TFDP2: variants seen among roughly 807,000 people sequenced by gnomAD.
TFDP2 encodes the protein transcription factor Dp-2.
TFDP2 carries 17 observed loss-of-function variants against 59.3 expected under a neutral mutation model. That is an observed-to-expected ratio of 0.29 (90% CI 0.20 to 0.43). The LOEUF is 0.43. Among genes scored for constraint, TFDP2 ranks in the 20% least tolerant of loss-of-function variants. The probability of loss-of-function intolerance (pLI) is 1.00; values close to 1 mark genes in which losing one functional copy is unlikely to be tolerated. For synonymous variants in TFDP2, 180 were observed against 194.7 expected (o/e 0.92, Z 0.63); for missense variants, 391 against 528.8 (o/e 0.74, Z 2.56).
intron 9 of TFDP2, among the ~76,000 whole-genome samples, chr3:141,969,589 C>T (rs374301861): frequency 3.8e-4 from 57 of 151,874 alleles, no homozygotes; most frequent in Non-Finnish European, 6.5e-4. Context: ...TCCAGCCTGG[C>T]GAAAGAGTGA....
intron 7 of TFDP2, among the ~76,000 whole-genome samples, chr3:141,975,106 G>T (rs1212033269): frequency 6.6e-6 from 1 of 151,588 alleles, no homozygotes; most frequent in Non-Finnish European, 1.5e-5. Context: ...TAGAGACGGG[G>T]TTTCACCATA....
rs571947128 is a variant in TFDP2 at position 142,059,117 on chromosome 3, C to G, written c.82+33944G>C. On this transcript the variant is annotated intron_variant, in intron 3 of 12. Transcript: ENST00000489671. Reference sequence around the variant, plus strand: ...TACACATTGATATTACAGAATAAAGCAACAGTTACTCAGCTATTTTTCTAT... The same window carrying G: ...TACACATTGATATTACAGAATAAAGGAACAGTTACTCAGCTATTTTTCTAT... 3.9e-5 allele frequency among the ~76,000 whole-genome samples: 6 copies of G among 152,252 alleles called. 1 individual carries two copies. The highest frequency in any genetic ancestry group is 1.4e-4 in the African/African-American group (6 of 41,566).
At chr3:142,120,047 CGAAAAGAAAAAAAGAAAA>C (rs1339677474) in intron 1 of TFDP2, among the ~76,000 whole-genome samples, 3 of 149,254 alleles carry the variant, frequency 2.0e-5, no homozygotes, top group Admixed American at 6.7e-5. Context: ...AAGACTCCAT[CGAAAAGAAAAAAAGAAAA>C]GAAAAGAAAA....
At chr3:142,106,906 G>A (rs913152712) in intron 1 of TFDP2, among the ~76,000 whole-genome samples, 1 of 152,160 alleles carries the variant, frequency 6.6e-6, no homozygotes, top group African/African-American at 2.4e-5. Context: ...AAAGCACAAA[G>A]TTATGGATAA....
At chr3:142,074,533 C>T (rs916260412) in intron 3 of TFDP2, among the ~76,000 whole-genome samples, 2 of 151,680 alleles carry the variant, frequency 1.3e-5, no homozygotes, top group Non-Finnish European at 2.9e-5. Flanking sequence ...GGCAATAGAG[C>T]AAGACCCCAT....
intron 10 of TFDP2, among the ~76,000 whole-genome samples, chr3:141,961,237 GTTT>G (rs1177754086): frequency 0.018 from 1,547 of 84,490 alleles, 1 homozygote; most frequent in Non-Finnish European, 0.023. Flanking sequence ...GTTTTTTGTT[GTTT>G]TTTTTTTTTT....
intron 6 of TFDP2, among the ~76,000 whole-genome samples, chr3:141,979,300 T>C (rs952470261): frequency 3.9e-5 from 6 of 152,204 alleles, no homozygotes; most frequent in African/African-American, 1.4e-4. Flanking sequence ...GGACAGTACA[T>C]AATACTTGAT....
At chr3:141,982,112 A>G (rs969206982) in intron 6 of TFDP2, among the ~76,000 whole-genome samples, 1 of 152,210 alleles carries the variant, frequency 6.6e-6, no homozygotes. Context: ...TCGTAAGTTT[A>G]ACACACTGGA....
chr3:142,020,220 A>C (rs1945478210), intron 3 of TFDP2, among the ~76,000 whole-genome samples: 1 of 152,144 alleles, frequency 6.6e-6, no homozygotes, highest in Non-Finnish European at 1.5e-5. Flanking sequence ...GACTCAGGGG[A>C]TATCTATCAC....
chr3:141,971,427 T>G (rs1939726996), intron 8 of TFDP2, among the ~76,000 whole-genome samples: 1 of 147,900 alleles, frequency 6.8e-6, no homozygotes, highest in Non-Finnish European at 1.5e-5. Flanking sequence ...CAGGCGCCTG[T>G]AATCCCAGCT....
chr3:142,110,770 A>G (rs1294987941), intron 1 of TFDP2, among the ~76,000 whole-genome samples: 1 of 151,750 alleles, frequency 6.6e-6, no homozygotes, highest in Non-Finnish European at 1.5e-5. Context: ...TGGGCAAAAT[A>G]GTATGATCCT....
intron 1 of TFDP2, among the ~76,000 whole-genome samples, chr3:142,119,922 C>T (rs772490532): frequency 1.2e-4 from 18 of 151,722 alleles, no homozygotes; most frequent in South Asian, 4.2e-4. Flanking sequence ...TGGTGGTGCG[C>T]GCCTGTAGTC....
rs188533561 is a variant in TFDP2 at position 141,977,241 on chromosome 3, G to A, written c.519+1279C>T. 3.5e-3 allele frequency among the ~76,000 whole-genome samples: 515 copies of A among 149,158 alleles called. 1 individual carries two copies. The highest frequency in any genetic ancestry group is 0.012 in the African/African-American group (485 of 40,530). ...GCCTCTGGAGTAGCTGGGACTACAGGTTTGTGCCACTGCACCTCGCTAATT... is the reference window on the plus strand; with the variant it reads ...GCCTCTGGAGTAGCTGGGACTACAGATTTGTGCCACTGCACCTCGCTAATT... On this transcript the variant is annotated intron_variant, in intron 7 of 12. Coordinates refer to ENST00000489671, the MANE Select transcript of TFDP2 (RefSeq NM_001178139.2).
chr3:142,103,599 A>G (rs2061380677), intron 1 of TFDP2, among the ~76,000 whole-genome samples: 1 of 152,220 alleles, frequency 6.6e-6, no homozygotes, highest in Non-Finnish European at 1.5e-5. Context: ...ATATGGTCTC[A>G]CTATACAGAG....
chr3:142,105,661 G>A (rs2061446312), intron 1 of TFDP2, among the ~76,000 whole-genome samples: 7 of 152,106 alleles, frequency 4.6e-5, no homozygotes, highest in Admixed American at 4.6e-4. Context: ...TATAGTAAGA[G>A]GGTACCAATA....
intron 3 of TFDP2, among the ~76,000 whole-genome samples, chr3:142,078,030 G>A (rs554998299): frequency 6.6e-6 from 1 of 152,288 alleles, no homozygotes; most frequent in Admixed American, 6.5e-5. Flanking sequence ...GTAAACCCTG[G>A]AAGTGGCCTC....
At chr3:142,050,464 G>A (rs1459218839) in intron 3 of TFDP2, among the ~76,000 whole-genome samples, 1 of 152,102 alleles carries the variant, frequency 6.6e-6, no homozygotes, top group Admixed American at 6.5e-5. Context: ...AGGAGGCCGA[G>A]GCAGGCGGAT....
At chr3:142,136,395 T>G (rs998670014) in intron 1 of TFDP2, among the ~76,000 whole-genome samples, 2 of 152,142 alleles carry the variant, frequency 1.3e-5, no homozygotes, top group African/African-American at 4.8e-5. Context: ...GATGGCAGTT[T>G]CTTTTGCCGT....
chr3:142,139,006 C>T (rs2062835451), intron 1 of TFDP2, among the ~76,000 whole-genome samples: 1 of 152,128 alleles, frequency 6.6e-6, no homozygotes, highest in Admixed American at 6.5e-5. Context: ...GTCTAAGTCT[C>T]TTTGTAGGTC....
Sources: gnomAD v4.1 joint callset for allele counts (sites outside exome capture counted in the v4.1 genomes callset) on GRCh38, gnomAD v4.1.1 for gene constraint, MANE v1.5 for transcripts, NCBI Gene and HGNC (gene_info 2026-07-23, HGNC 2026-07-21) for gene names.